Variants in SLC22A15 observed in about 807,000 individuals in gnomAD.
SLC22A15 encodes solute carrier family 22 member 15.
SLC22A15 carries 45 observed loss-of-function variants against 62.7 expected under a neutral mutation model. That is an observed-to-expected ratio of 0.72 (90% CI 0.56 to 0.92). The LOEUF (loss-of-function observed/expected upper bound fraction) is 0.92, where lower values mean the gene tolerates loss of function less well. SLC22A15 is among the 40% of genes least tolerant of loss of function. The pLI is 0.00. For missense variants in SLC22A15, 622 were observed against 665.6 expected (o/e 0.93, Z 0.72); for synonymous variants, 264 against 267.0 (o/e 0.99, Z 0.11).
chr1:115,981,834 C>T (rs899955064), intron 1 of SLC22A15, among the ~76,000 whole-genome samples: 2 of 152,074 alleles, frequency 1.3e-5, no homozygotes, highest in Admixed American at 6.5e-5. Flanking sequence ...TATTATCTTC[C>T]AAGATAGCAC....
chr1:116,050,988 A>G (rs1658035637), intron 8 of SLC22A15, among the ~76,000 whole-genome samples: 1 of 152,212 alleles, frequency 6.6e-6, no homozygotes, highest in African/African-American at 2.4e-5. Context: ...GCCAAAAAAT[A>G]AAATACTTAG....
intron 2 of SLC22A15, among the ~76,000 whole-genome samples, chr1:116,007,841 CA>C (rs971484156): frequency 6.6e-6 from 1 of 151,908 alleles, no homozygotes; most frequent in African/African-American, 2.4e-5. Context: ...TTTTAAAAAA[CA>C]AAAAAGAATA....
chr1:116,050,702 A>T (rs1272283048), intron 8 of SLC22A15, among the ~76,000 whole-genome samples: 1 of 152,212 alleles, frequency 6.6e-6, no homozygotes, highest in Non-Finnish European at 1.5e-5. Flanking sequence ...TCTTCGACAT[A>T]GTACTGGAAG....
At chr1:116,061,822 C>T (rs1658386795) in intron 8 of SLC22A15, among the ~76,000 whole-genome samples, 1 of 152,014 alleles carries the variant, frequency 6.6e-6, no homozygotes, top group Non-Finnish European at 1.5e-5. Context: ...TAAATAAAAG[C>T]ATTACATTAA....
intron 5 of SLC22A15, among the ~76,000 whole-genome samples, chr1:116,029,817 T>G (rs891690568): frequency 1.3e-5 from 2 of 151,734 alleles, no homozygotes; most frequent in Non-Finnish European, 3.0e-5. Context: ...AGATAATGAC[T>G]GTGAATATTT....
chr1:115,995,356 A>G (rs1054951934), intron 2 of SLC22A15, among the ~76,000 whole-genome samples: 5 of 152,156 alleles, frequency 3.3e-5, no homozygotes, highest in Non-Finnish European at 7.4e-5. Context: ...TGTTCAAGCA[A>G]TTCTTCTGCC....
intron 8 of SLC22A15, among the ~76,000 whole-genome samples, chr1:116,061,411 G>A (rs2101568557): frequency 6.6e-6 from 1 of 152,258 alleles, no homozygotes; most frequent in East Asian, 1.9e-4. Context: ...ATGTCAAGGA[G>A]AATGAGAGGC....
intron 1 of SLC22A15, among the ~76,000 whole-genome samples, chr1:115,979,595 A>G (rs1482131131): frequency 3.3e-5 from 5 of 152,198 alleles, no homozygotes; most frequent in African/African-American, 1.2e-4. Flanking sequence ...TTAAATAGGA[A>G]TAATTCTATT....
chr1:115,979,273 A>C (rs1654477124), intron 1 of SLC22A15, among the ~76,000 whole-genome samples: 1 of 152,330 alleles, frequency 6.6e-6, no homozygotes, highest in African/African-American at 2.4e-5. Flanking sequence ...TTACTTCACT[A>C]TCCAGTTTCC....
At chr1:115,981,322 CAT>C (rs1273270381) in intron 1 of SLC22A15, among the ~76,000 whole-genome samples, 2 of 152,330 alleles carry the variant, frequency 1.3e-5, no homozygotes, top group East Asian at 1.9e-4. Context: ...GAGTCCAAAA[CAT>C]GTGGCCATTT....
intron 5 of SLC22A15, 33 bp downstream of exon 5, chr1:116,027,055 A>G: frequency 6.2e-7 from 1 of 1,603,876 alleles, no homozygotes; most frequent in Middle Eastern, 1.7e-4. Context: ...GTTTTAATTT[A>G]AAAAGCCAAA....
In SLC22A15 at chr1:116,019,307, A is replaced by G. The variant is rs570113002; in HGVS notation, c.301-275A>G. 1.7e-4 allele frequency among the ~76,000 whole-genome samples: 26 copies of G among 152,344 alleles called. No homozygotes were observed. The South Asian group carries it at 5.2e-3, about 30-fold the overall frequency. On this transcript the variant is annotated intron_variant, in intron 2 of 11. Coordinates refer to ENST00000369503, the MANE Select transcript of SLC22A15 (RefSeq NM_018420.3). Reference sequence around the variant, plus strand: ...TTAGGATGTGGGACATAGTCAATAGATGCATAAGTAATTAGCTATTATACA... The same window carrying G: ...TTAGGATGTGGGACATAGTCAATAGGTGCATAAGTAATTAGCTATTATACA...
chr1:116,062,687 A>G, intron 8 of SLC22A15, 75 bp from the exon 9 acceptor site: 1 of 1,574,728 alleles, frequency 6.4e-7, no homozygotes, highest in African/African-American at 1.3e-5. Context: ...CACCTGCTCC[A>G]TCAAAATGAA....
intron 2 of SLC22A15, among the ~76,000 whole-genome samples, chr1:116,012,868 T>C (rs1656341558): frequency 1.3e-5 from 2 of 152,298 alleles, no homozygotes; most frequent in South Asian, 4.1e-4. Context: ...TGTGGAAGGA[T>C]CCTCTTTCAT....
In SLC22A15 at chr1:115,984,054, A is replaced by G. The variant is rs116354114; in HGVS notation, c.87+7340A>G. 3.6e-3 allele frequency among the ~76,000 whole-genome samples: 548 copies of G among 152,350 alleles called. 5 individuals carry two copies. Among genetic ancestry groups the G allele is most frequent in the African/African-American group, 0.013 (532 of 41,580 alleles). On this transcript the variant is annotated intron_variant, in intron 1 of 11. Coordinates refer to ENST00000369503, the MANE Select transcript of SLC22A15 (RefSeq NM_018420.3). The stretch of plus-strand genomic sequence containing the variant: ...CTGAATTGATATAAAATTCTATTTT[A>G]TGTTAATTTACTAAAATTAAAACAT...
intron 2 of SLC22A15, among the ~76,000 whole-genome samples, chr1:115,996,585 T>C (rs918573582): frequency 1.4e-5 from 2 of 145,044 alleles, no homozygotes; most frequent in Non-Finnish European, 3.1e-5. Flanking sequence ...TTTCTTTTTC[T>C]TTTTTTTTTT....
intron 2 of SLC22A15, among the ~76,000 whole-genome samples, chr1:116,011,476 C>A (rs1211419898): frequency 6.6e-6 from 1 of 152,096 alleles, no homozygotes; most frequent in Non-Finnish European, 1.5e-5. Context: ...GAAGTCATGA[C>A]CTGGAGATAT....
chr1:116,029,809 A>G (rs927044717), intron 5 of SLC22A15, among the ~76,000 whole-genome samples: 4 of 152,218 alleles, frequency 2.6e-5, no homozygotes, highest in Non-Finnish European at 5.9e-5. Context: ...TAACCCAAAG[A>G]TAATGACTGT....
At chr1:116,047,425 T>C (rs545323827) in intron 8 of SLC22A15, among the ~76,000 whole-genome samples, 2 of 152,188 alleles carry the variant, frequency 1.3e-5, no homozygotes, top group South Asian at 4.1e-4. Context: ...AGACTCCGTC[T>C]CAAAAAACAA....
Sources: gnomAD v4.1 joint callset for allele counts (sites outside exome capture counted in the v4.1 genomes callset) on GRCh38, gnomAD v4.1.1 for gene constraint, MANE v1.5 for transcripts, NCBI Gene and HGNC (gene_info 2026-07-23, HGNC 2026-07-21) for gene names.